Variants in WDR37 observed in about 807,000 individuals in gnomAD.
WDR37 encodes the protein WD repeat-containing protein 37.
In WDR37, 19 loss-of-function variants were observed where a neutral mutation model predicts 62.9. That is an observed-to-expected ratio of 0.30 (90% CI 0.21 to 0.44). The LOEUF (loss-of-function observed/expected upper bound fraction) is 0.44. Among genes scored for constraint, WDR37 ranks in the 20% least tolerant of loss-of-function variants. WDR37 has a pLI of 1.00. For missense variants in WDR37, 474 were observed against 657.6 expected, an observed-to-expected ratio of 0.72 and a Z score of 3.05; for synonymous variants, 250 against 260.9, an observed-to-expected ratio of 0.96 and a Z score of 0.40.
chr10:1,084,641 A>T, intron 6 of WDR37, 103 bp downstream of exon 6: 1 of 1,522,724 alleles, frequency 6.6e-7, no homozygotes, highest in Non-Finnish European at 8.9e-7. Flanking sequence ...CTAGATGCAA[A>T]AGCGTCATGG....
chr10:1,066,162 T>C (rs531093534), intron 1 of WDR37, among the ~76,000 whole-genome samples: 24 of 152,138 alleles, frequency 1.6e-4, no homozygotes, highest in Admixed American at 2.0e-4. Flanking sequence ...GTCACCCAGG[T>C]TGGAGTGCAG....
At chr10:1,115,304 G>A (rs1451142141) in intron 11 of WDR37, among the ~76,000 whole-genome samples, 1 of 152,142 alleles carries the variant, frequency 6.6e-6, no homozygotes, top group Admixed American at 6.5e-5. Context: ...GGTCTTTGGT[G>A]CTTTCTTCTA....
intron 8 of WDR37, 22 bp from the exon 9 acceptor site, chr10:1,096,148 T>G: frequency 6.2e-7 from 1 of 1,613,812 alleles, no homozygotes. Flanking sequence ...CTTGGGTAAT[T>G]TTCCCCGATT....
At chr10:1,095,505 A>G (rs1474762497) in intron 8 of WDR37, among the ~76,000 whole-genome samples, 3 of 152,146 alleles carry the variant, frequency 2.0e-5, no homozygotes, top group African/African-American at 7.2e-5. Flanking sequence ...ATTTGCATCA[A>G]ATGTGCTGCA....
rs1206355469 is a variant in WDR37 at position 1,132,003 on chromosome 10, C to T, written c.*2659C>T. 1 of 152,586 alleles carries T rather than the reference C, an allele frequency of 6.6e-6. No homozygotes were observed. Among genetic ancestry groups the T allele is most frequent in the Non-Finnish European group, 1.5e-5 (1 of 68,036 alleles). 9.5% of individuals were successfully genotyped at this position (152,586 alleles called of 1,614,324 possible). A position where few individuals can be genotyped will look rare whatever the true frequency, so the allele number is the denominator to read the frequency against. ...AGAATCCTATGTAAATCATTTGTTA[C>T]TTAAGTCTGTGAAAAACATATTTCT... On this transcript the variant is annotated 3_prime_UTR_variant, in exon 14 of 14. Coordinates refer to ENST00000263150, the MANE Select transcript of WDR37 (RefSeq NM_014023.4).
At chr10:1,095,000 C>T (rs1047891160) in intron 8 of WDR37, among the ~76,000 whole-genome samples, 5 of 104,722 alleles carry the variant, frequency 4.8e-5, no homozygotes, top group African/African-American at 1.1e-4. Context: ...ATGGGGATAG[C>T]GAGGAGGGTT....
rs371240151 is a variant in WDR37 at position 1,129,238 on chromosome 10, C to T, written c.1379C>T (p.Ser460Leu). The T allele has an allele frequency of 1.5e-5, 25 of 1,614,010 alleles. No individual in the cohort carries two copies. Among genetic ancestry groups the T allele is most frequent in the Non-Finnish European group, 2.0e-5 (24 of 1,180,018 alleles). The change falls in exon 14 of 14, where the codon TCG (serine) becomes TTG (leucine). Residue 460 changes from serine (S) to leucine (L), a missense_variant. Transcript: ENST00000263150. ...GGCCACAGGAGAATGGTATGCTGCTCGGCATGGAGTGAAGACCACCCCGTG... is the reference window on the plus strand; with the variant it reads ...GGCCACAGGAGAATGGTATGCTGCTTGGCATGGAGTGAAGACCACCCCGTG... ...RQGHRRMVCC[S>L]AWSEDHPVCN...
At chr10:1,113,950 CT>C (rs56654628) in intron 11 of WDR37, among the ~76,000 whole-genome samples, 6,635 of 75,840 alleles carry the variant, frequency 0.087, 339 homozygotes, top group African/African-American at 0.21. Context: ...GGTAAAATGC[CT>C]TTTTTTTTTT....
chr10:1,125,809 T>C (rs1456936059), intron 13 of WDR37, among the ~76,000 whole-genome samples: 1 of 152,182 alleles, frequency 6.6e-6, no homozygotes, highest in Admixed American at 6.5e-5. Flanking sequence ...GGAAGAAATA[T>C]ATTTAAATGT....
At chr10:1,115,323 A>G (rs1193493386) in intron 11 of WDR37, among the ~76,000 whole-genome samples, 5 of 152,266 alleles carry the variant, frequency 3.3e-5, no homozygotes, top group African/African-American at 1.2e-4. Flanking sequence ...TAAAGAAAAC[A>G]AAACACACAT....
In WDR37 at chr10:1,072,189, C is replaced by T. The variant is rs755329682; in HGVS notation, c.34C>T (p.Arg12Cys). 4.3e-6 allele frequency: 7 copies of T among 1,614,116 alleles called. No homozygotes were observed. The highest frequency in any genetic ancestry group is 2.2e-5 in the South Asian group (2 of 91,068). Reference protein sequence around the residue: ...PTESASCSTARQTKQKRKSHS... With the variant: ...PTESASCSTACQTKQKRKSHS... ...AGAAAGCGCAAGTTGTTCGACTGCT[C>T]GCCAAACAAAACAGAAGCGCAAATC... is the stretch of plus-strand genomic sequence containing the variant. The change falls in exon 2 of 14, where the codon CGC becomes TGC. Residue 12 changes from arginine (R) to cysteine (C), a missense_variant. Coordinates refer to ENST00000263150, the MANE Select transcript of WDR37 (RefSeq NM_014023.4).
chr10:1,075,836 C>T (rs889274962), intron 2 of WDR37, among the ~76,000 whole-genome samples: 5 of 148,584 alleles, frequency 3.4e-5, no homozygotes, highest in Non-Finnish European at 5.9e-5. Context: ...GGCTAGAGTG[C>T]GGTACTGATC....
At chr10:1,092,228 T>C (rs10903365) in intron 7 of WDR37, among the ~76,000 whole-genome samples, 57,436 of 144,262 alleles carry the variant, frequency 0.4, 11,298 homozygotes, top group African/African-American at 0.48. Flanking sequence ...GACCTCTGGC[T>C]GGGTGCGGTG....
At chr10:1,123,335 C>T (rs2131691381) in intron 11 of WDR37, among the ~76,000 whole-genome samples, 1 of 152,188 alleles carries the variant, frequency 6.6e-6, no homozygotes, top group Middle Eastern at 3.4e-3. Flanking sequence ...AATCAATTCA[C>T]ATTGTTGTGC....
chr10:1,080,431 G>C lies in WDR37; in HGVS notation c.351G>C (p.Gln117His), dbSNP rs1048733593. The change falls in exon 5 of 14, where the codon CAG (glutamine) becomes CAC (histidine). Residue 117 changes from glutamine to histidine, a missense_variant. Transcript: ENST00000263150. ...LKTKASHSTSQLSQKLKTTYK... is the reference protein window; with the variant it reads ...LKTKASHSTSHLSQKLKTTYK... The stretch of plus-strand genomic sequence containing the variant: ...CTGCAGCCAGTCACAGCACCAGCCA[G>C]CTCTCCCAGAAACTGAAGACCACTT... 3 of 1,614,036 alleles carry C rather than the reference G, an allele frequency of 1.9e-6. No individual in the cohort carries two copies. Among genetic ancestry groups the C allele is most frequent in the Non-Finnish European group, 2.5e-6 (3 of 1,180,034 alleles).
chr10:1,085,809 T>G (rs1834182600), intron 6 of WDR37, among the ~76,000 whole-genome samples: 1 of 152,254 alleles, frequency 6.6e-6, no homozygotes, highest in African/African-American at 2.4e-5. Flanking sequence ...TGGTGCTTAT[T>G]TCTCAGATTT....
At position 1,072,071 on chromosome 10, in the gene WDR37, T is replaced by G. The variant is rs1443618450; in HGVS notation, c.-40-45T>G. The G allele has an allele frequency of 6.0e-6, 9 of 1,499,148 alleles. 1 individual carries two copies. The highest frequency in any genetic ancestry group is 8.1e-6 in the Non-Finnish European group (9 of 1,111,868). The allele number at this position is 1,499,148 out of a possible 1,614,324, so 92.9% of individuals were successfully genotyped here. On this transcript the variant is annotated intron_variant, in intron 1 of 13. Coordinates refer to ENST00000263150, the MANE Select transcript of WDR37 (RefSeq NM_014023.4). Reference sequence around the variant, plus strand: ...TCTTCTTCACTGTTTTTCTTTTGTTTCAACTCGCTGTATCAGAAACACTGT... The same window carrying G: ...TCTTCTTCACTGTTTTTCTTTTGTTGCAACTCGCTGTATCAGAAACACTGT...
At chr10:1,098,058 G>A (rs1834652267) in intron 9 of WDR37, among the ~76,000 whole-genome samples, 1 of 152,200 alleles carries the variant, frequency 6.6e-6, no homozygotes, top group Non-Finnish European at 1.5e-5. Context: ...ATGCAAGAAG[G>A]ATATGAATTT....
At chr10:1,124,137 A>G in intron 11 of WDR37, 81 bp from the exon 12 acceptor site, 10 of 1,585,334 alleles carry the variant, frequency 6.3e-6, no homozygotes, top group Non-Finnish European at 8.6e-6. Context: ...CTTCCCACCC[A>G]CTTGGTCAGG....
Sources: gnomAD v4.1 joint callset for allele counts (sites outside exome capture counted in the v4.1 genomes callset) on GRCh38, gnomAD v4.1.1 for gene constraint, MANE v1.5 for transcripts, NCBI Gene and HGNC (gene_info 2026-07-23, HGNC 2026-07-21) for gene names.